Variants in LRMDA observed in about 807,000 individuals in gnomAD.
LRMDA encodes the protein leucine-rich melanocyte differentiation-associated protein.
In LRMDA, 18 loss-of-function variants were observed where a neutral mutation model predicts 29.8. That is an observed-to-expected ratio of 0.60 (90% confidence interval 0.42 to 0.90). The LOEUF (loss-of-function observed/expected upper bound fraction) is 0.90. Ranked by LOEUF, LRMDA falls within the 40% of genes least tolerant of loss-of-function variation. The pLI is 0.00. For synonymous variants in LRMDA, 125 were observed against 109.4 expected (o/e 1.14, Z -0.89); for missense variants, 273 against 273.9 (o/e 1.00, Z 0.02).
intron 5 of LRMDA, among the ~76,000 whole-genome samples, chr10:76,063,451 G>C (rs1848734986): frequency 6.6e-6 from 1 of 152,074 alleles, no homozygotes; most frequent in African/African-American, 2.4e-5. Flanking sequence ...TTCCTTTCCT[G>C]ATTTTTCCAC....
chr10:76,276,129 C>T (rs548184472), intron 5 of LRMDA, among the ~76,000 whole-genome samples: 5 of 150,606 alleles, frequency 3.3e-5, no homozygotes, highest in South Asian at 2.1e-4. Flanking sequence ...GTCTTTCTTT[C>T]GTTCTGTATT....
intron 2 of LRMDA, among the ~76,000 whole-genome samples, chr10:75,623,664 C>G (rs1041875951): frequency 6.6e-6 from 1 of 152,052 alleles, no homozygotes; most frequent in Non-Finnish European, 1.5e-5. Flanking sequence ...AAGAACAGCA[C>G]AAGGAGGAAA....
chr10:76,389,692 C>T (rs1009991813), intron 6 of LRMDA, among the ~76,000 whole-genome samples: 1 of 152,114 alleles, frequency 6.6e-6, no homozygotes, highest in Non-Finnish European at 1.5e-5. Context: ...AACTTCACTA[C>T]TCTAAGTACC....
intron 2 of LRMDA, among the ~76,000 whole-genome samples, chr10:75,444,755 G>A (rs1188857787): frequency 6.6e-6 from 1 of 152,110 alleles, no homozygotes; most frequent in African/African-American, 2.4e-5. Flanking sequence ...GAGAAAGTAT[G>A]GAGGAAACCA....
chr10:76,261,641 A>T (rs1839945214), intron 5 of LRMDA, among the ~76,000 whole-genome samples: 2 of 152,282 alleles, frequency 1.3e-5, no homozygotes, highest in East Asian at 3.9e-4. Context: ...TGTTATTTAA[A>T]CTCACTTCTC....
chr10:76,341,726 G>A (rs115751811), intron 6 of LRMDA, among the ~76,000 whole-genome samples: 5,274 of 152,232 alleles, frequency 0.035, 143 homozygotes, highest in Middle Eastern at 0.099. Flanking sequence ...GTTGATGCTG[G>A]CTGTTGGCTA....
At chr10:76,307,206 G>A (rs917074531) in intron 5 of LRMDA, among the ~76,000 whole-genome samples, 12 of 152,126 alleles carry the variant, frequency 7.9e-5, no homozygotes, top group South Asian at 2.1e-4. Context: ...GAATAAAATT[G>A]TATGATAAAC....
chr10:75,903,963 C>T (rs1439272763), intron 2 of LRMDA, among the ~76,000 whole-genome samples: 1 of 152,136 alleles, frequency 6.6e-6, no homozygotes, highest in Non-Finnish European at 1.5e-5. Flanking sequence ...TGATGAAAAG[C>T]AAAAGAAATG....
chr10:76,170,721 A>G (rs1321094219), intron 5 of LRMDA, among the ~76,000 whole-genome samples: 1 of 152,228 alleles, frequency 6.6e-6, no homozygotes, highest in Non-Finnish European at 1.5e-5. Context: ...AAATTTTAAA[A>G]TTCTATAAAA....
intron 5 of LRMDA, among the ~76,000 whole-genome samples, chr10:76,303,918 AC>A (rs1840516249): frequency 6.6e-6 from 1 of 152,016 alleles, no homozygotes. Flanking sequence ...AGGTTACACT[AC>A]AGCACCCCCT....
chr10:76,419,930 T>C (rs970827529), intron 6 of LRMDA, among the ~76,000 whole-genome samples: 1 of 152,156 alleles, frequency 6.6e-6, no homozygotes, highest in Non-Finnish European at 1.5e-5. Flanking sequence ...TGAATACACA[T>C]TGCCACATAT....
At chr10:76,315,777 G>C (rs1190536228) in intron 5 of LRMDA, among the ~76,000 whole-genome samples, 1 of 151,926 alleles carries the variant, frequency 6.6e-6, no homozygotes, top group African/African-American at 2.4e-5. Context: ...CCTGGGGGCC[G>C]GGCTGCCAGT....
intron 5 of LRMDA, among the ~76,000 whole-genome samples, chr10:76,281,971 C>T (rs1030971364): frequency 4.6e-5 from 7 of 152,180 alleles, no homozygotes; most frequent in East Asian, 1.9e-4. Context: ...AATGTAAATA[C>T]ACCCTTTCTG....
intron 2 of LRMDA, among the ~76,000 whole-genome samples, chr10:75,569,010 C>T (rs1268251016): frequency 6.6e-6 from 1 of 152,118 alleles, no homozygotes; most frequent in Non-Finnish European, 1.5e-5. Context: ...GGGAAGGGTG[C>T]TGGGCTCCTC....
chr10:75,990,179 C>T (rs1235991402), intron 2 of LRMDA, among the ~76,000 whole-genome samples: 2 of 152,174 alleles, frequency 1.3e-5, no homozygotes, highest in African/African-American at 2.4e-5. Flanking sequence ...GTTATCAGAG[C>T]GTCTCACACA....
intron 6 of LRMDA, among the ~76,000 whole-genome samples, chr10:76,491,010 T>A (rs1053509836): frequency 1.3e-5 from 2 of 151,996 alleles, no homozygotes; most frequent in Non-Finnish European, 2.9e-5. Flanking sequence ...CATTTGAAAC[T>A]GATGACAACA....
intron 5 of LRMDA, among the ~76,000 whole-genome samples, chr10:76,183,458 T>G (rs532128043): frequency 6.6e-6 from 1 of 152,190 alleles, no homozygotes; most frequent in African/African-American, 2.4e-5. Context: ...GAGAGAAAGA[T>G]CTCTCTAAAT....
At chr10:76,122,952 C>T (rs772721951) in intron 5 of LRMDA, among the ~76,000 whole-genome samples, 2 of 152,124 alleles carry the variant, frequency 1.3e-5, no homozygotes, top group Non-Finnish European at 2.9e-5. Flanking sequence ...TGTTATGTCT[C>T]CTGGATCATC....
chr10:76,493,280 A>G (rs960154578), intron 6 of LRMDA, among the ~76,000 whole-genome samples: 2 of 151,894 alleles, frequency 1.3e-5, no homozygotes, highest in African/African-American at 4.8e-5. Flanking sequence ...TATTGTCACC[A>G]TTACCACAGG....
Sources: gnomAD v4.1 joint callset for allele counts (sites outside exome capture counted in the v4.1 genomes callset) on GRCh38, gnomAD v4.1.1 for gene constraint, MANE v1.5 for transcripts, NCBI Gene and HGNC (gene_info 2026-07-23, HGNC 2026-07-21) for gene names.